ERBB4: variants seen among roughly 807,000 people sequenced by gnomAD.
ERBB4 encodes the protein receptor tyrosine-protein kinase erbB-4.
Under a neutral mutation model 158.0 loss-of-function variants are expected in ERBB4, and 42 were observed. The observed-to-expected ratio is 0.27, with a 90% CI of 0.21 to 0.34. The LOEUF (loss-of-function observed/expected upper bound fraction) is 0.34, where lower values mean the gene tolerates loss of function less well. Ranked by LOEUF, ERBB4 falls within the 10% of genes least tolerant of loss-of-function variation. The pLI, the probability that ERBB4 is intolerant of heterozygous loss-of-function variation, is 1.00. For missense variants in ERBB4, 1,333 were observed against 1,624.1 expected (o/e 0.82, Z 3.08); for synonymous variants, 583 against 558.7 (o/e 1.04, Z -0.61).
chr2:211,955,428 T>G (rs1057270147), intron 2 of ERBB4, among the ~76,000 whole-genome samples: 1 of 152,076 alleles, frequency 6.6e-6, no homozygotes, highest in African/African-American at 2.4e-5. Context: ...CCCCTTCAGA[T>G]CTCTACATTC....
At chr2:212,073,584 C>T (rs866260348) in intron 2 of ERBB4, among the ~76,000 whole-genome samples, 1 of 151,952 alleles carries the variant, frequency 6.6e-6, no homozygotes, top group African/African-American at 2.4e-5. Context: ...CTGATAGTGT[C>T]TCCCATTGGC....
In ERBB4 at chr2:212,097,336, G is replaced by A. The variant is rs1398167406; in HGVS notation, c.234+27416C>T. 2.0e-5 allele frequency among the ~76,000 whole-genome samples: 3 copies of A among 152,052 alleles called. No homozygotes were observed. In the East Asian group the frequency reaches 5.8e-4, roughly 29 times the overall value. On this transcript the variant is annotated intron_variant, in intron 2 of 27. Coordinates refer to ENST00000342788, the MANE Select transcript of ERBB4 (RefSeq NM_005235.3). ...AACATGATACTGGAAAGACTACTAA[G>A]ACTAAAATGAATAAAGAAGAGGGTA... is the stretch of plus-strand genomic sequence containing the variant.
intron 1 of ERBB4, among the ~76,000 whole-genome samples, chr2:212,447,972 C>T (rs1416286271): frequency 1.3e-5 from 2 of 152,140 alleles, no homozygotes; most frequent in Non-Finnish European, 2.9e-5. Flanking sequence ...CACACTATTA[C>T]TTGTCATGAA....
intron 1 of ERBB4, among the ~76,000 whole-genome samples, chr2:212,358,226 T>C (rs2106355920): frequency 6.6e-6 from 1 of 152,026 alleles, no homozygotes; most frequent in Non-Finnish European, 1.5e-5. Context: ...TGACCTGTGC[T>C]GATAATATCA....
At chr2:211,916,115 T>A (rs2079682139) in intron 3 of ERBB4, among the ~76,000 whole-genome samples, 1 of 151,918 alleles carries the variant, frequency 6.6e-6, no homozygotes, top group Non-Finnish European at 1.5e-5. Flanking sequence ...AGTGCCCATA[T>A]CTCAAACAGT....
At chr2:211,952,668 C>G (rs1315383909) in intron 2 of ERBB4, among the ~76,000 whole-genome samples, 3 of 152,044 alleles carry the variant, frequency 2.0e-5, no homozygotes, top group Non-Finnish European at 4.4e-5. Context: ...AGCTTTGTGG[C>G]TTTCATCAGG....
At position 212,351,779 on chromosome 2, in the gene ERBB4, T is replaced by A. The variant is rs570863918; in HGVS notation, c.82+186670A>T. On this transcript the variant is annotated intron_variant, in intron 1 of 27. Coordinates refer to ENST00000342788, the MANE Select transcript of ERBB4 (RefSeq NM_005235.3). The stretch of plus-strand genomic sequence containing the variant: ...ATAATCAAAGCATGTATAAACATCT[T>A]CGTTGCTATGTATTATACTGAGATA... Among the ~76,000 whole-genome samples, 4 of 152,334 alleles carry A rather than the reference T, an allele frequency of 2.6e-5. No individual in the cohort carries two copies. The South Asian group carries it at 8.3e-4, about 32-fold the overall frequency.
At chr2:212,457,049 T>C (rs1339107627) in intron 1 of ERBB4, among the ~76,000 whole-genome samples, 1 of 152,016 alleles carries the variant, frequency 6.6e-6, no homozygotes, top group Non-Finnish European at 1.5e-5. Context: ...GTAATAACTT[T>C]CATTATGCCA....
intron 20 of ERBB4, among the ~76,000 whole-genome samples, chr2:211,551,049 C>T (rs1377705625): frequency 2.0e-5 from 3 of 152,040 alleles, no homozygotes; most frequent in Non-Finnish European, 4.4e-5. Context: ...CTCCAGTGAT[C>T]CTCCCACTTC....
intron 1 of ERBB4, among the ~76,000 whole-genome samples, chr2:212,216,444 C>A (rs1480277882): frequency 6.6e-6 from 1 of 151,070 alleles, no homozygotes; most frequent in African/African-American, 2.4e-5. Context: ...CATCTTTATG[C>A]AGGATTGTCA....
intron 3 of ERBB4, among the ~76,000 whole-genome samples, chr2:211,867,913 T>C (rs2078249696): frequency 6.6e-6 from 1 of 152,190 alleles, no homozygotes; most frequent in Non-Finnish European, 1.5e-5. Context: ...TTTAACTGCT[T>C]TCCTCTGGGA....
At chr2:211,940,755 C>T (rs1475831528) in intron 3 of ERBB4, among the ~76,000 whole-genome samples, 1 of 152,032 alleles carries the variant, frequency 6.6e-6, no homozygotes, top group Non-Finnish European at 1.5e-5. Context: ...TCCCTGAACG[C>T]CCAACCCCAC....
At chr2:211,903,105 G>A (rs1192130490) in intron 3 of ERBB4, among the ~76,000 whole-genome samples, 2 of 151,142 alleles carry the variant, frequency 1.3e-5, no homozygotes, top group Admixed American at 6.6e-5. Flanking sequence ...CTTAAAATAA[G>A]TCTCTTTCCC....
At chr2:211,942,200 A>G (rs2080519324) in intron 3 of ERBB4, among the ~76,000 whole-genome samples, 1 of 152,172 alleles carries the variant, frequency 6.6e-6, no homozygotes, top group Admixed American at 6.6e-5. Flanking sequence ...AAAAGGTACT[A>G]CATTACTTGG....
chr2:211,646,291 A>T (rs1309712145), intron 16 of ERBB4, among the ~76,000 whole-genome samples: 1 of 151,500 alleles, frequency 6.6e-6, no homozygotes, highest in Non-Finnish European at 1.5e-5. Flanking sequence ...TTAAAAATAT[A>T]TTTTAAAAAA....
At chr2:212,224,613 T>C (rs10185163) in intron 1 of ERBB4, among the ~76,000 whole-genome samples, 108,240 of 151,766 alleles carry the variant, frequency 0.71, 39,083 homozygotes, top group East Asian at 0.77. Flanking sequence ...ACTAATATCT[T>C]GGCAACAACC....
At chr2:211,843,354 C>T (rs2077516668) in intron 3 of ERBB4, among the ~76,000 whole-genome samples, 1 of 151,870 alleles carries the variant, frequency 6.6e-6, no homozygotes, top group South Asian at 2.1e-4. Context: ...TAGAGCTTTG[C>T]TTTTTTAGCT....
At chr2:212,452,849 T>C (rs897056317) in intron 1 of ERBB4, among the ~76,000 whole-genome samples, 28 of 152,146 alleles carry the variant, frequency 1.8e-4, no homozygotes, top group Non-Finnish European at 3.8e-4. Flanking sequence ...AAAACATAAA[T>C]ATTTTAAGAC....
Position 211,377,223 on chromosome 2 carries a change from A to G in ERBB4, c.*6392T>C, listed in dbSNP as rs1574491766. On this transcript the variant is annotated 3_prime_UTR_variant, in exon 28 of 28. Coordinates refer to ENST00000342788, the MANE Select transcript of ERBB4 (RefSeq NM_005235.3). Reference sequence around the variant, plus strand: ...AAAAAATCTGGAAATGACATTTGAAAACCAGATTCGTGTCAATATACAGGA... The same window carrying G: ...AAAAAATCTGGAAATGACATTTGAAGACCAGATTCGTGTCAATATACAGGA... 1.3e-5 allele frequency: 3 copies of G among 233,118 alleles called. No homozygotes were observed. In the East Asian group the frequency reaches 1.8e-4, roughly 14 times the overall value. The allele number at this position is 233,118 out of a possible 1,614,324, so 14.4% of individuals were successfully genotyped here. A position where few individuals can be genotyped will look rare whatever the true frequency, so the allele number is the denominator to read the frequency against.
Sources: allele counts gnomAD v4.1 joint callset (sites outside exome capture counted in the v4.1 genomes callset), GRCh38; gene constraint gnomAD v4.1.1; transcripts MANE v1.5; gene names NCBI Gene and HGNC (gene_info 2026-07-23, HGNC 2026-07-21).